The following ITCH variants were observed in gnomAD, a reference collection of about 807,000 sequenced individuals.
The protein encoded by ITCH is itchy E3 ubiquitin protein ligase.
Under a neutral mutation model 126.8 loss-of-function variants are expected in ITCH, and 28 were observed. The observed-to-expected ratio is 0.22, with a 90% confidence interval of 0.16 to 0.30. The LOEUF (loss-of-function observed/expected upper bound fraction) is 0.30. Ranked by LOEUF, ITCH falls within the 10% of genes least tolerant of loss-of-function variation. The probability of loss-of-function intolerance (pLI) is 1.00; values close to 1 mark genes in which losing one functional copy is unlikely to be tolerated. For missense variants in ITCH, 631 were observed against 1,032.4 expected, an observed-to-expected ratio of 0.61 and a Z score of 5.33; for synonymous variants, 342 against 340.0, an observed-to-expected ratio of 1.01 and a Z score of -0.06.
Position 34,498,761 on chromosome 20 carries a change from T to C in ITCH, c.2417-5570T>C, listed in dbSNP as rs549892762. 2.6e-5 allele frequency among the ~76,000 whole-genome samples: 4 copies of C among 151,412 alleles called. No homozygotes were observed. In the East Asian group the frequency reaches 7.7e-4, roughly 29 times the overall value. ...TCATCAAGGATATTGGCCTATAGTT[T>C]TCTTTTCTTTTCTTTTCCTCCTTTT... On this transcript the variant is annotated intron_variant, in intron 23 of 24. Coordinates refer to ENST00000374864, the MANE Select transcript of ITCH (RefSeq NM_031483.7).
At chr20:34,472,866 G>GTCCT (rs1987780087) in intron 16 of ITCH, among the ~76,000 whole-genome samples, 1 of 152,132 alleles carries the variant, frequency 6.6e-6, no homozygotes, top group Non-Finnish European at 1.5e-5. Flanking sequence ...CCCCACCCTA[G>GTCCT]TCCTTGCCCA....
intron 4 of ITCH, among the ~76,000 whole-genome samples, chr20:34,411,912 A>C (rs1276652777): frequency 6.6e-6 from 1 of 152,194 alleles, no homozygotes; most frequent in Non-Finnish European, 1.5e-5. Context: ...TGATAGTTGG[A>C]CTGGGCAACT....
intron 24 of ITCH, 134 bp from the exon 25 acceptor site, chr20:34,507,560 CT>C (rs779056205): frequency 4.3e-6 from 3 of 690,522 alleles, no homozygotes; most frequent in Non-Finnish European, 7.5e-6. Flanking sequence ...GGTTATTTCA[CT>C]TTCTTGATGG....
chr20:34,466,388 G>A (rs750543484), intron 14 of ITCH: 1 of 531,978 alleles, frequency 1.9e-6, no homozygotes, highest in South Asian at 1.4e-5. Context: ...TTCTTATAGT[G>A]TGGCTTTCTT....
At chr20:34,478,621 A>G (rs1253271712) in intron 17 of ITCH, among the ~76,000 whole-genome samples, 2 of 152,328 alleles carry the variant, frequency 1.3e-5, no homozygotes, top group African/African-American at 2.4e-5. Context: ...ATTAATATCT[A>G]CATTTCTAGG....
intron 11 of ITCH, 92 bp from the exon 12 acceptor site, chr20:34,449,319 A>G (rs990720901): frequency 1.3e-6 from 1 of 755,990 alleles, no homozygotes; most frequent in Non-Finnish European, 2.4e-6. Flanking sequence ...TGTGTTATAC[A>G]TTGCCAGGGA....
At chr20:34,409,465 C>T (rs555859846) in intron 4 of ITCH, among the ~76,000 whole-genome samples, 8 of 152,212 alleles carry the variant, frequency 5.3e-5, no homozygotes, top group Middle Eastern at 3.4e-3. Context: ...TCAACCTTCC[C>T]GGCTCAAGCA....
intron 12 of ITCH, among the ~76,000 whole-genome samples, chr20:34,452,365 TA>T (rs1385009995): frequency 6.6e-6 from 1 of 152,232 alleles, no homozygotes; most frequent in Non-Finnish European, 1.5e-5. Flanking sequence ...GCCAGGTTAT[TA>T]GAGTCTTGTT....
intron 6 of ITCH, among the ~76,000 whole-genome samples, chr20:34,416,642 G>C (rs1377466706): frequency 1.3e-5 from 2 of 152,080 alleles, no homozygotes; most frequent in African/African-American, 4.8e-5. Flanking sequence ...TTTCTTTTTG[G>C]TGGATAAATT....
In ITCH at chr20:34,495,316, T is replaced by TAC. The variant is rs1555885679; in HGVS notation, c.2416+2724_2416+2725dup. On this transcript the variant is annotated intron_variant, in intron 23 of 24. Coordinates refer to ENST00000374864, the MANE Select transcript of ITCH (RefSeq NM_031483.7). Reference sequence around the variant, plus strand: ...TAAAATATATATATATATATATATATACACACGCACACACACACACGGTAA... The same window carrying TAC: ...TAAAATATATATATATATATATATATACACACACGCACACACACACACGGTAA... 4.3e-3 allele frequency among the ~76,000 whole-genome samples: 573 copies of TAC among 132,188 alleles called. 6 individuals are homozygous for TAC. The highest frequency in any genetic ancestry group is 7.8e-3 in the South Asian group (31 of 3,982). 86.7% of individuals were successfully genotyped at this position (132,188 alleles called of 152,430 possible). A position where few individuals can be genotyped will look rare whatever the true frequency, so the allele number is the denominator to read the frequency against.
chr20:34,400,110 T>C (rs2038821204), intron 3 of ITCH, among the ~76,000 whole-genome samples: 1 of 152,028 alleles, frequency 6.6e-6, no homozygotes, highest in Non-Finnish European at 1.5e-5. Context: ...AGCTGATTTT[T>C]GTATTTTTAG....
chr20:34,506,733 A>G (rs988526529), intron 24 of ITCH, among the ~76,000 whole-genome samples: 1 of 152,152 alleles, frequency 6.6e-6, no homozygotes, highest in Non-Finnish European at 1.5e-5. Context: ...ATGACTCCCC[A>G]TGACTCCCTT....
At chr20:34,398,690 G>T (rs765731181) in intron 3 of ITCH, among the ~76,000 whole-genome samples, 5 of 152,014 alleles carry the variant, frequency 3.3e-5, no homozygotes, top group Non-Finnish European at 7.4e-5. Context: ...GAGCCACCGC[G>T]CCTGGCCTTA....
chr20:34,400,647 T>G (rs914145843), intron 3 of ITCH, among the ~76,000 whole-genome samples: 19 of 29,476 alleles, frequency 6.4e-4, no homozygotes, highest in Non-Finnish European at 8.5e-4. Context: ...AAAATTTTTC[T>G]TTTTTTTTTT....
chr20:34,495,001 C>T (rs1032579604), intron 23 of ITCH, among the ~76,000 whole-genome samples: 5 of 151,386 alleles, frequency 3.3e-5, no homozygotes, highest in African/African-American at 1.2e-4. Context: ...CCTGTAATCC[C>T]AGCACGTTGG....
chr20:34,461,207 T>A (rs1382315412), intron 13 of ITCH, among the ~76,000 whole-genome samples: 1 of 152,138 alleles, frequency 6.6e-6, no homozygotes, highest in Non-Finnish European at 1.5e-5. Context: ...AAGGGAACAT[T>A]GAGGCCAGCG....
chr20:34,408,910 CT>C (rs1214512036), intron 4 of ITCH, 118 bp downstream of exon 4: 74,740 of 714,332 alleles, frequency 0.1, no homozygotes, highest in East Asian at 0.13. Context: ...TTTCTCTCTT[CT>C]TTTTTTTTTT....
chr20:34,433,032 G>T (rs925387970), intron 7 of ITCH, among the ~76,000 whole-genome samples: 1 of 152,134 alleles, frequency 6.6e-6, no homozygotes, highest in African/African-American at 2.4e-5. Context: ...GCTCATGCCT[G>T]TAATCCCAGC....
chr20:34,425,016 A>C (rs1373115733), intron 7 of ITCH, among the ~76,000 whole-genome samples: 1 of 152,216 alleles, frequency 6.6e-6, no homozygotes, highest in African/African-American at 2.4e-5. Context: ...AAAAGAAAGA[A>C]AGATCAGTTT....
Sources: gnomAD v4.1 joint callset for allele counts (sites outside exome capture counted in the v4.1 genomes callset) on GRCh38, gnomAD v4.1.1 for gene constraint, MANE v1.5 for transcripts, NCBI Gene and HGNC (gene_info 2026-07-23, HGNC 2026-07-21) for gene names.